TYMP: variants seen among roughly 807,000 people sequenced by gnomAD.
TYMP encodes thymidine phosphorylase, also known as gliostatin.
TYMP carries 46 observed loss-of-function variants against 42.3 expected under a neutral mutation model. The observed-to-expected ratio is 1.09, with a 90% CI of 0.86 to 1.39. The LOEUF (loss-of-function observed/expected upper bound fraction) is 1.39. Ranked by LOEUF, TYMP falls within the 40% of genes most tolerant of loss-of-function variation. The pLI is 0.00. For synonymous variants in TYMP, 363 were observed against 308.0 expected (o/e 1.18, Z -1.87); for missense variants, 837 against 677.6 (o/e 1.24, Z -2.61).
rs754368216 is a variant in TYMP at position 50,528,487 on chromosome 22, A to G, written c.516+25T>C. 3.1e-6 allele frequency: 5 copies of G among 1,592,906 alleles called. No homozygotes were observed. The East Asian group carries it at 6.7e-5, about 21-fold the overall frequency. On this transcript the variant is annotated intron_variant, in intron 4 of 9. Coordinates refer to ENST00000252029, the MANE Select transcript of TYMP (RefSeq NM_001953.5). Reference sequence around the variant, plus strand: ...GGGTCTCCATCATCAACCTGGATTAATGACTGATCCGTGGCGCCCCGTACC... The same window carrying G: ...GGGTCTCCATCATCAACCTGGATTAGTGACTGATCCGTGGCGCCCCGTACC...
Position 50,529,956 on chromosome 22 carries a change from C to T in TYMP, c.-63G>A. 1 of 577,968 alleles carries T rather than the reference C, an allele frequency of 1.7e-6. No individual in the cohort carries two copies. The highest frequency in any genetic ancestry group is 3.1e-6 in the Non-Finnish European group (1 of 323,916). The allele number at this position is 577,968 out of a possible 1,614,324, so 35.8% of individuals were successfully genotyped here. ...TGCTCCGGATCCCAGCCCAGGTACC[C>T]GGCCTCGCCCGCGGGTCGGGACCGT... On this transcript the variant is annotated 5_prime_UTR_variant, in exon 1 of 10. Transcript: ENST00000252029.
rs752674133 is a variant in TYMP at position 50,526,092 on chromosome 22, C to T, written c.1209G>A (p.Glu403=). ...RALPLALVLH[E]LGAGRSRAGE... The stretch of plus-strand genomic sequence containing the variant: ...CAGCGCGGCTGCGCCCGGCCCCGAG[C>T]TCGTGCAGCACCAGCGCCAGCGGCA... Residue 403 remains glutamate (E), a synonymous_variant, in exon 9 of 10, where the codon GAG becomes GAA. Coordinates refer to ENST00000252029, the MANE Select transcript of TYMP (RefSeq NM_001953.5). The T allele has an allele frequency of 1.3e-5, 20 of 1,487,448 alleles. No individual in the cohort carries two copies. The South Asian group carries it at 1.9e-4, about 14-fold the overall frequency. 92.1% of individuals were successfully genotyped at this position (1,487,448 alleles called of 1,614,324 possible).
In TYMP at chr22:50,526,481, G is replaced by GGGCGGGGACGGGTCTTA. The variant is rs2148678176; in HGVS notation, c.929-22_929-6dup. On this transcript the variant is annotated splice_region_variant and splice_polypyrimidine_tract_variant and intron_variant, in intron 7 of 9. Transcript: ENST00000252029. ...TGAGCCAGAGCAGGGCGCCCCCTGC[G>GGGCGGGGACGGGTCTTA]GGCGGGGACGGGTCTTAGGCGCGGC... The GGGCGGGGACGGGTCTTA allele has an allele frequency of 2.8e-6, 4 of 1,447,120 alleles. No individual in the cohort carries two copies. The highest frequency in any genetic ancestry group is 3.7e-6 in the Non-Finnish European group (4 of 1,093,878). The allele number at this position is 1,447,120 out of a possible 1,614,324, so 89.6% of individuals were successfully genotyped here.
chr22:50,527,365 CAG>C (rs1467345865), intron 5 of TYMP, 82 bp from the exon 6 acceptor site: 2 of 1,350,706 alleles, frequency 1.5e-6, no homozygotes, highest in African/African-American at 1.4e-5. Context: ...ACTTTGGGGT[CAG>C]GGGCCCTGAG....
chr22:50,528,476 A>C, intron 4 of TYMP, 36 bp downstream of exon 4: 6 of 1,569,046 alleles, frequency 3.8e-6, no homozygotes, highest in Non-Finnish European at 5.3e-6. Flanking sequence ...CTCCATCATC[A>C]ACCTGGATTA....
chr22:50,527,380 T>C, intron 5 of TYMP, 97 bp from the exon 6 acceptor site: 1 of 1,274,704 alleles, frequency 7.8e-7, no homozygotes, highest in South Asian at 1.2e-5. Context: ...GCCCTGAGCA[T>C]TGAGGGTCAA....
At position 50,529,498 on chromosome 22, in the gene TYMP, A is replaced by T; in HGVS notation, c.212T>A (p.Ile71Asn). 6.2e-7 allele frequency: 1 copy of T among 1,612,622 alleles called. No individual in the cohort carries two copies. The highest frequency in any genetic ancestry group is 1.1e-5 in the South Asian group (1 of 91,084). ...AACGCCCAACCCTCCCCACGCACCG[A>T]TCTGTGCGCCCTGCGCGCTCCCATT... Reference protein sequence around the residue: ...VVNGSAQGAQIGAMLMAIRLR... With the variant: ...VVNGSAQGAQNGAMLMAIRLR... Residue 71 changes from isoleucine to asparagine, a missense_variant and splice_region_variant, in exon 2 of 10, where the codon ATC becomes AAC. Physicochemically the swap from Ile to Asn is moderately radical, Grantham distance 149. Coordinates refer to ENST00000252029, the MANE Select transcript of TYMP (RefSeq NM_001953.5).
Position 50,529,600 on chromosome 22 carries a change from G to C in TYMP, c.110C>G (p.Pro37Arg). The part of the protein sequence containing the change: ...PDPSPEPKQL[P>R]ELIRMKRDGG... ...GTCTCGCTTCATGCGGATCAGCTCC[G>C]GGAGCTGCTTGGGCTCTGGCGAAGG... The change falls in exon 2 of 10, where the codon CCG becomes CGG. Residue 37 changes from proline (P) to arginine (R), a missense_variant. Coordinates refer to ENST00000252029, the MANE Select transcript of TYMP (RefSeq NM_001953.5). 1 of 1,613,096 alleles carries C rather than the reference G, an allele frequency of 6.2e-7. No individual in the cohort carries two copies. Among genetic ancestry groups the C allele is most frequent in the Non-Finnish European group, 8.5e-7 (1 of 1,179,880 alleles).
chr22:50,529,532 CG>C lies in TYMP; in HGVS notation c.177del (p.Ala60LeufsTer3). 1 of 1,613,052 alleles carries C rather than the reference CG, an allele frequency of 6.2e-7. No homozygotes were observed. Among genetic ancestry groups the C allele is most frequent in the Non-Finnish European group, 8.5e-7 (1 of 1,179,924 alleles). Reference sequence around the variant, plus strand: ...CCCTGCGCGCTCCCATTCACCACAGCGGCCACGAAGCCCCTGATGTCCGCTT... The same window carrying C: ...CCCTGCGCGCTCCCATTCACCACAGCGCCACGAAGCCCCTGATGTCCGCTT... ...LSEADIRGFVAAVVNGSAQGA... is the reference protein window; with the variant it reads ...LSEADIRGFVXAVVNGSAQGA... On this transcript the variant is annotated frameshift_variant, in exon 2 of 10. Transcript: ENST00000252029. LOFTEE classifies it high-confidence loss of function.
intron 6 of TYMP, 103 bp downstream of exon 6, chr22:50,527,062 A>T: frequency 1.1e-6 from 1 of 950,238 alleles, no homozygotes. Context: ...GACTGGGGTT[A>T]GGCAGGACTG....
intron 5 of TYMP, 121 bp from the exon 6 acceptor site, chr22:50,527,404 G>C (rs116736712): frequency 1.6e-6 from 2 of 1,239,408 alleles, no homozygotes; most frequent in Non-Finnish European, 2.4e-6. Flanking sequence ...CCTTATTATG[G>C]GGGTGGCAGC....
At chr22:50,527,767 G>C (rs770835198) in intron 4 of TYMP, 50 bp from the exon 5 acceptor site, 1 of 1,289,566 alleles carries the variant, frequency 7.8e-7, no homozygotes. Flanking sequence ...TGACTTAGCA[G>C]CTTTTTTTTT....
chr22:50,526,766 C>T (rs2069403968), intron 6 of TYMP, 28 bp from the exon 7 acceptor site: 23 of 1,530,768 alleles, frequency 1.5e-5, no homozygotes, highest in Non-Finnish European at 2.0e-5. Flanking sequence ...AGCGTGGACC[C>T]CCCATGGCGG....
Position 50,526,726 on chromosome 22 carries a change from C to A in TYMP, c.778G>T (p.Ala260Ser). 6.5e-7 allele frequency: 1 copy of A among 1,537,176 alleles called. No homozygotes were observed. Among genetic ancestry groups the A allele is most frequent in the Non-Finnish European group, 8.7e-7 (1 of 1,146,748 alleles). Reference sequence around the variant, plus strand: ...GCCGCGACCCGAAGCCCTAGGCTGGCTCCCACGCCAACCTGCGGAGAGGAG... The same window carrying A: ...GCCGCGACCCGAAGCCCTAGGCTGGATCCCACGCCAACCTGCGGAGAGGAG... ...ELAKTLVGVG[A>S]SLGLRVAAAL... The change falls in exon 7 of 10, where the codon GCC (alanine) becomes TCC (serine). Residue 260 changes from alanine to serine, a missense_variant. By Grantham distance (99) the Ala-to-Ser change is moderately conservative. Transcript: ENST00000252029.
chr22:50,526,105 A>C lies in TYMP; in HGVS notation c.1196T>G (p.Leu399Arg), dbSNP rs2069355122. ...CCCGGCCCCGAGCTCGTGCAGCACC[A>C]GCGCCAGCGGCAGCGCCCGGACCAG... ...VELVRALPLA[L>R]VLHELGAGRS... The change falls in exon 9 of 10, where the codon CTG becomes CGG. Residue 399 changes from leucine to arginine, a missense_variant. Coordinates refer to ENST00000252029, the MANE Select transcript of TYMP (RefSeq NM_001953.5). 6.7e-7 allele frequency: 1 copy of C among 1,489,424 alleles called. No homozygotes were observed. Among genetic ancestry groups the C allele is most frequent in the Non-Finnish European group, 8.9e-7 (1 of 1,127,824 alleles). 92.3% of individuals were successfully genotyped at this position (1,489,424 alleles called of 1,614,324 possible). A position where few individuals can be genotyped will look rare whatever the true frequency, so the allele number is the denominator to read the frequency against.
Position 50,526,343 on chromosome 22 carries a change from G to A in TYMP, c.1062C>T (p.Pro354=), listed in dbSNP as rs1275853440. ...CCGAGCACAGGGCTCGGGCCAGACC[G>A]GGATCCACGCCCTGCGCCGCCAGCA... The part of the protein sequence containing the change: ...ERMLAAQGVD[P]GLARALCSGS... Residue 354 remains proline (P), a synonymous_variant, in exon 8 of 10, where the codon CCC becomes CCT. Transcript: ENST00000252029. 1.3e-6 allele frequency: 2 copies of A among 1,558,380 alleles called. No individual in the cohort carries two copies. Among genetic ancestry groups the A allele is most frequent in the African/African-American group, 1.4e-5 (1 of 71,140 alleles).
rs1470959449 is a variant in TYMP, at chr22:50,526,580, C to T, written c.924G>A (p.Thr308=). The change falls in exon 7 of 10, where the codon ACG becomes ACA. Residue 308 remains threonine (T), a synonymous_variant. Coordinates refer to ENST00000252029, the MANE Select transcript of TYMP (RefSeq NM_001953.5). ...CCTACACCCCGTCCCCCTCACCGAGCGTGGTGACCAGGTCCCTTAAGTCTG... is the reference window on the plus strand; with the variant it reads ...CCTACACCCCGTCCCCCTCACCGAGTGTGGTGACCAGGTCCCTTAAGTCTG... ...GPPDLRDLVT[T]LGGALLWLSG... 1.3e-6 allele frequency: 2 copies of T among 1,574,648 alleles called. No homozygotes were observed. Among genetic ancestry groups the T allele is most frequent in the African/African-American group, 1.4e-5 (1 of 74,054 alleles).
intron 4 of TYMP, 168 bp from the exon 5 acceptor site, chr22:50,527,885 C>T (rs2069454436): frequency 4.0e-6 from 3 of 747,064 alleles, no homozygotes; most frequent in Admixed American, 2.7e-5. Context: ...AAGTGATCCT[C>T]CCACCTCAGC....
chr22:50,529,665 A>G lies in TYMP; in HGVS notation c.45T>C (p.Pro15=), dbSNP rs1207650463. 6.2e-7 allele frequency: 1 copy of G among 1,612,258 alleles called. No individual in the cohort carries two copies. Among genetic ancestry groups the G allele is most frequent in the East Asian group, 2.2e-5 (1 of 44,858 alleles). Residue 15 remains proline, a synonymous_variant, in exon 2 of 10, where the codon CCT becomes CCC. Coordinates refer to ENST00000252029, the MANE Select transcript of TYMP (RefSeq NM_001953.5). The part of the protein sequence containing the change: ...MTPGTGAPPA[P]GDFSGEGSQG... ...GGCTCCCTTCCCCGGAGAAGTCACC[A>G]GGCGCGGGTGGGGCCCCGGTTCCCG...
Sources: gnomAD v4.1 joint callset for allele counts on GRCh38, gnomAD v4.1.1 for gene constraint, MANE v1.5 for transcripts, NCBI Gene and HGNC (gene_info 2026-07-23, HGNC 2026-07-21) for gene names.